Variants in DYM observed in about 807,000 individuals in gnomAD.
DYM encodes the protein dyggve-Melchior-Clausen syndrome protein.
Under a neutral mutation model 93.1 loss-of-function variants are expected in DYM, and 78 were observed. The observed-to-expected ratio is 0.84, with a 90% CI of 0.70 to 1.01. DYM has a LOEUF of 1.01. Among genes scored for constraint, DYM ranks in the 50% least tolerant of loss-of-function variants. The probability of loss-of-function intolerance (pLI) is 0.00; values close to 1 mark genes in which losing one functional copy is unlikely to be tolerated. For synonymous variants in DYM, 321 were observed against 319.7 expected (o/e 1.00, Z -0.04); for missense variants, 789 against 845.0 (o/e 0.93, Z 0.82).
intron 11 of DYM, among the ~76,000 whole-genome samples, chr18:49,266,664 A>G (rs562655013): frequency 6.6e-6 from 1 of 152,344 alleles, no homozygotes; most frequent in East Asian, 1.9e-4. Flanking sequence ...CCTAATGTTA[A>G]TAGTTCTAAT....
In DYM at chr18:49,219,725, C is replaced by T. The variant is rs1282673495; in HGVS notation, c.1461-10010G>A. Among the ~76,000 whole-genome samples the T allele has an allele frequency of 3.3e-5, 5 of 152,140 alleles. No homozygotes were observed. The East Asian group carries it at 9.6e-4, about 29-fold the overall frequency. ...TTAACAACACTTCATGCTAAAAACT[C>T]TCAATAAATTAGGTATTGATGGGAC... On this transcript the variant is annotated intron_variant, in intron 13 of 17. Transcript: ENST00000675505.
At chr18:49,158,894 T>A (rs571066517) in intron 15 of DYM, among the ~76,000 whole-genome samples, 1 of 152,150 alleles carries the variant, frequency 6.6e-6, no homozygotes, top group African/African-American at 2.4e-5. Context: ...TTGAAATAAC[T>A]AAAAGAGCAT....
intron 8 of DYM, among the ~76,000 whole-genome samples, chr18:49,317,510 A>C (rs935617964): frequency 6.7e-6 from 1 of 148,794 alleles, no homozygotes; most frequent in Non-Finnish European, 1.5e-5. Flanking sequence ...AAAACAATCA[A>C]CTCATATAAT....
chr18:49,093,254 C>G (rs2079232969), intron 17 of DYM: 1 of 152,188 alleles, frequency 6.6e-6, no homozygotes, highest in Admixed American at 6.5e-5. Flanking sequence ...AACCCAGAAG[C>G]TGCATACACA....
At chr18:49,379,532 T>C (rs1002434578) in intron 4 of DYM, 133 bp downstream of exon 4, 9 of 800,228 alleles carry the variant, frequency 1.1e-5, no homozygotes, top group African/African-American at 3.5e-5. Flanking sequence ...CCTCTCTACC[T>C]TTTTTTCTTA....
chr18:49,442,859 AC>A (rs957412800), intron 1 of DYM, among the ~76,000 whole-genome samples: 1 of 149,190 alleles, frequency 6.7e-6, no homozygotes, highest in African/African-American at 2.5e-5. Context: ...AATGATTCCT[AC>A]TTTTTTTTTT....
At chr18:49,359,331 A>G (rs1197176601) in intron 6 of DYM, among the ~76,000 whole-genome samples, 1 of 152,200 alleles carries the variant, frequency 6.6e-6, no homozygotes, top group Non-Finnish European at 1.5e-5. Flanking sequence ...AAATATATAA[A>G]TGCTGAGAGC....
At chr18:49,402,059 A>G (rs909777624) in intron 2 of DYM, among the ~76,000 whole-genome samples, 1 of 151,878 alleles carries the variant, frequency 6.6e-6, no homozygotes, top group Non-Finnish European at 1.5e-5. Context: ...GAAAATGTTC[A>G]CAACTATAGA....
chr18:49,103,112 C>G (rs1310302740), intron 16 of DYM, among the ~76,000 whole-genome samples: 1 of 152,204 alleles, frequency 6.6e-6, no homozygotes, highest in African/African-American at 2.4e-5. Context: ...GCCATTCTAA[C>G]TGGTGTGAGA....
intron 17 of DYM, among the ~76,000 whole-genome samples, chr18:49,075,386 C>T (rs2077220138): frequency 6.6e-6 from 1 of 152,118 alleles, no homozygotes; most frequent in Non-Finnish European, 1.5e-5. Flanking sequence ...CTGTGGGATA[C>T]TCCCCTACTC....
intron 17 of DYM, among the ~76,000 whole-genome samples, chr18:49,073,073 G>A (rs549709361): frequency 1.3e-5 from 2 of 152,166 alleles, no homozygotes; most frequent in African/African-American, 4.8e-5. Flanking sequence ...GAACACATAC[G>A]TGGATAAATA....
intron 4 of DYM, 92 bp downstream of exon 4, chr18:49,379,573 T>A: frequency 8.7e-7 from 1 of 1,145,502 alleles, no homozygotes; most frequent in Non-Finnish European, 1.3e-6. Flanking sequence ...ACAGAGATTT[T>A]CAAAAGACCA....
rs1364089215 is a variant in DYM at position 49,209,713 on chromosome 18, T to A, written c.1463A>T (p.Tyr488Phe). 1 of 1,269,036 alleles carries A rather than the reference T, an allele frequency of 7.9e-7. No individual in the cohort carries two copies. Among genetic ancestry groups the A allele is most frequent in the Non-Finnish European group, 1.0e-6 (1 of 977,074 alleles). 78.6% of individuals were successfully genotyped at this position (1,269,036 alleles called of 1,614,324 possible). A position where few individuals can be genotyped will look rare whatever the true frequency, so the allele number is the denominator to read the frequency against. ...HQYAAQRIIS[Y>F]TCRHLRRYVY... The stretch of plus-strand genomic sequence containing the variant: ...ATATCTCCGCAAGTGGCGGCAGGTA[T>A]AACTGAAAGACAAAGGTAAAAGGAG... Residue 488 changes from tyrosine to phenylalanine, a missense_variant and splice_region_variant, in exon 14 of 18, where the codon TAT (tyrosine) becomes TTT (phenylalanine). This residue lies in a region of DYM where 225 missense variants were observed against 303.0 expected (regional missense o/e 0.74). Coordinates refer to ENST00000675505, the MANE Select transcript of DYM (RefSeq NM_001353214.3).
At chr18:49,068,427 C>G (rs190787024) in intron 17 of DYM, among the ~76,000 whole-genome samples, 2 of 152,304 alleles carry the variant, frequency 1.3e-5, no homozygotes, top group African/African-American at 4.8e-5. Flanking sequence ...TTCCTTCATA[C>G]CTTTCTTTAA....
chr18:49,093,360 T>C (rs1426074495), intron 17 of DYM: 1 of 152,274 alleles, frequency 6.6e-6, no homozygotes, highest in Non-Finnish European at 1.5e-5. Flanking sequence ...GAACACAACT[T>C]AAGTCAGGAG....
intron 8 of DYM, among the ~76,000 whole-genome samples, chr18:49,293,227 G>T (rs2060285420): frequency 6.6e-6 from 1 of 152,188 alleles, no homozygotes; most frequent in South Asian, 2.1e-4. Context: ...GTCTATCACT[G>T]ATGGGCATTT....
intron 5 of DYM, among the ~76,000 whole-genome samples, chr18:49,373,760 A>G (rs2067248124): frequency 6.6e-6 from 1 of 152,218 alleles, no homozygotes; most frequent in Non-Finnish European, 1.5e-5. Context: ...TTTGTAGGAC[A>G]TAATACAAAA....
At chr18:49,335,681 T>C (rs1434653095) in intron 6 of DYM, among the ~76,000 whole-genome samples, 1 of 152,316 alleles carries the variant, frequency 6.6e-6, no homozygotes, top group East Asian at 1.9e-4. Context: ...AATAGTCTCC[T>C]GGCTAGGCTT....
rs1317694553 is a variant in DYM, at chr18:49,430,399, T to C, written c.-5A>G. The C allele has an allele frequency of 1.2e-6, 2 of 1,613,420 alleles. No homozygotes were observed. Among genetic ancestry groups the C allele is most frequent in the South Asian group, 2.2e-5 (2 of 91,082 alleles). ...TCTGCTGCTATTCGATCCCATCTTC[T>C]AGCTTAAGCAGATAATTTGTCCTTA... On this transcript the variant is annotated 5_prime_UTR_variant, in exon 2 of 18. Coordinates refer to ENST00000675505, the MANE Select transcript of DYM (RefSeq NM_001353214.3).
Sources: gnomAD v4.1 joint callset for allele counts (sites outside exome capture counted in the v4.1 genomes callset) on GRCh38, gnomAD v4.1.1 for gene constraint, gnomAD v4.1.1 regional missense constraint, MANE v1.5 for transcripts, NCBI Gene and HGNC (gene_info 2026-07-23, HGNC 2026-07-21) for gene names.